The following LRP1B variants were observed in gnomAD, a reference collection of about 807,000 sequenced individuals.
The protein encoded by LRP1B is LDL receptor related protein 1B, also known as low-density lipoprotein receptor-related protein 1B.
A neutral mutation model predicts 556.6 loss-of-function variants in LRP1B; 217 were observed. The ratio of observed to expected loss-of-function variants is 0.39; its 90% CI spans 0.35 to 0.44. LRP1B has a LOEUF of 0.44. Ranked by LOEUF, LRP1B falls within the 20% of genes least tolerant of loss-of-function variation. The pLI is 1.00. For synonymous variants in LRP1B, 2,047 were observed against 1,865.8 expected, an observed-to-expected ratio of 1.10 and a Z score of -2.50; for missense variants, 5,053 against 5,620.8, an observed-to-expected ratio of 0.90 and a Z score of 3.23.
Position 140,270,885 on chromosome 2 carries a change from GTAAC to G in LRP1B, c.13143-543_13143-540del, listed in dbSNP as rs1682428488. On this transcript the variant is annotated intron_variant, in intron 85 of 90. Transcript: ENST00000389484. The stretch of plus-strand genomic sequence containing the variant: ...CACTGTTTCTCTTTGAGTATGTACT[GTAAC>G]TAATGTCAAACTATTTTTATTCTAA... Among the ~76,000 whole-genome samples the G allele has an allele frequency of 2.0e-5, 3 of 151,996 alleles. No homozygotes were observed. In the South Asian group the frequency reaches 6.2e-4, roughly 32 times the overall value.
At chr2:142,022,773 C>T (rs1703378908) in intron 1 of LRP1B, among the ~76,000 whole-genome samples, 1 of 152,158 alleles carries the variant, frequency 6.6e-6, no homozygotes, top group South Asian at 2.1e-4. Flanking sequence ...CAGTTTCAAG[C>T]GATTCTCCTG....
intron 55 of LRP1B, among the ~76,000 whole-genome samples, chr2:140,499,706 A>G (rs1471087637): frequency 6.6e-6 from 1 of 151,862 alleles, no homozygotes; most frequent in Non-Finnish European, 1.5e-5. Context: ...ATCTCTCACC[A>G]TATGTTTAGA....
chr2:141,397,179 A>T (rs1440979778), intron 3 of LRP1B, among the ~76,000 whole-genome samples: 4 of 149,292 alleles, frequency 2.7e-5, no homozygotes, highest in Non-Finnish European at 6.0e-5. Flanking sequence ...AGAAGTTTAG[A>T]GATGGTACTT....
At chr2:141,017,831 C>CA (rs1000154335) in intron 12 of LRP1B, among the ~76,000 whole-genome samples, 10 of 150,718 alleles carry the variant, frequency 6.6e-5, no homozygotes, top group Non-Finnish European at 1.3e-4. Context: ...CCCATCTCTA[C>CA]AAAAAAAATA....
chr2:141,903,695 C>A (rs951930594), intron 1 of LRP1B, among the ~76,000 whole-genome samples: 12 of 151,796 alleles, frequency 7.9e-5, no homozygotes, highest in African/African-American at 2.7e-4. Context: ...ATTGGTGAAA[C>A]GTTTAAAGAA....
intron 35 of LRP1B, among the ~76,000 whole-genome samples, chr2:140,723,630 T>C (rs1457836468): frequency 6.6e-6 from 1 of 152,186 alleles, no homozygotes; most frequent in Admixed American, 6.5e-5. Flanking sequence ...AAAAGATTTT[T>C]CTTAAAATTC....
chr2:141,029,032 G>A (rs988273199), intron 11 of LRP1B, among the ~76,000 whole-genome samples: 20 of 152,074 alleles, frequency 1.3e-4, no homozygotes, highest in African/African-American at 3.9e-4. Context: ...AGGCAAAGAC[G>A]TCTAGGACTT....
chr2:142,032,409 C>T (rs1193171183), intron 1 of LRP1B, among the ~76,000 whole-genome samples: 3 of 151,798 alleles, frequency 2.0e-5, no homozygotes, highest in South Asian at 2.1e-4. Context: ...CCACATCCCT[C>T]GGCTCCTAAC....
Position 142,123,111 on chromosome 2 carries a change from A to G in LRP1B, c.82+7537T>C, listed in dbSNP as rs189875746. On this transcript the variant is annotated intron_variant, in intron 1 of 90. Coordinates refer to ENST00000389484, the MANE Select transcript of LRP1B (RefSeq NM_018557.3). ...CAAAAGAAAACAGATGATTCTAAAC[A>G]CATTTCGGTTATCAGCATTACACCT... Among the ~76,000 whole-genome samples, 529 of 152,130 alleles carry G rather than the reference A, an allele frequency of 3.5e-3. 2 individuals are homozygous for G. Among genetic ancestry groups the G allele is most frequent in the African/African-American group, 0.012 (481 of 41,556 alleles).
intron 1 of LRP1B, among the ~76,000 whole-genome samples, chr2:142,129,584 T>TCTCTCTCTC (rs1707775509): frequency 8.9e-5 from 12 of 134,832 alleles, no homozygotes; most frequent in African/African-American, 2.5e-4. Flanking sequence ...CTTTCTCTCT[T>TCTCTCTCTC]TCTCTCTCTC....
chr2:140,681,441 C>A (rs1233109728), intron 41 of LRP1B, among the ~76,000 whole-genome samples: 1 of 151,916 alleles, frequency 6.6e-6, no homozygotes, highest in Non-Finnish European at 1.5e-5. Flanking sequence ...ATAAATAAAT[C>A]TCATTTCTAT....
At chr2:140,749,232 G>C (rs865804905) in intron 35 of LRP1B, among the ~76,000 whole-genome samples, 24 of 152,034 alleles carry the variant, frequency 1.6e-4, no homozygotes, top group African/African-American at 4.8e-4. Context: ...AAATGTGAAG[G>C]TCCAGGACAT....
chr2:140,719,429 C>T, intron 35 of LRP1B, among the ~76,000 whole-genome samples: 1 of 151,900 alleles, frequency 6.6e-6, no homozygotes, highest in African/African-American at 2.4e-5. Flanking sequence ...AAAAAGGTAC[C>T]CCTTCATTTC....
chr2:141,650,531 G>A (rs1450809327), intron 2 of LRP1B, among the ~76,000 whole-genome samples: 1 of 152,164 alleles, frequency 6.6e-6, no homozygotes, highest in Non-Finnish European at 1.5e-5. Flanking sequence ...ACATTACCAT[G>A]GCTGCCACTC....
intron 7 of LRP1B, among the ~76,000 whole-genome samples, chr2:141,134,710 T>C (rs1201284877): frequency 6.9e-6 from 1 of 144,712 alleles, no homozygotes; most frequent in Non-Finnish European, 1.5e-5. Flanking sequence ...TAGGAGTCAT[T>C]ATATCAATAA....
intron 15 of LRP1B, among the ~76,000 whole-genome samples, chr2:141,002,291 T>C (rs1697447165): frequency 6.6e-6 from 1 of 151,972 alleles, no homozygotes; most frequent in Non-Finnish European, 1.5e-5. Context: ...AATTACAGAA[T>C]AGAATAGGTA....
chr2:140,313,569 G>A (rs1345921315), intron 83 of LRP1B, among the ~76,000 whole-genome samples: 1 of 151,880 alleles, frequency 6.6e-6, no homozygotes, highest in African/African-American at 2.4e-5. Flanking sequence ...AAATCATCCA[G>A]CTATAACACC....
intron 47 of LRP1B, among the ~76,000 whole-genome samples, chr2:140,531,277 C>T (rs370239847): frequency 6.6e-5 from 10 of 152,092 alleles, no homozygotes; most frequent in African/African-American, 2.2e-4. Flanking sequence ...ATATTTTCCT[C>T]TCCTGCTTAC....
chr2:140,343,541 T>G (rs1681501729), intron 77 of LRP1B, among the ~76,000 whole-genome samples: 1 of 151,658 alleles, frequency 6.6e-6, no homozygotes, highest in African/African-American at 2.4e-5. Context: ...ATACATACTA[T>G]GAGTGCAATC....
Sources: gnomAD v4.1 joint callset for allele counts (sites outside exome capture counted in the v4.1 genomes callset) on GRCh38, gnomAD v4.1.1 for gene constraint, MANE v1.5 for transcripts, NCBI Gene and HGNC (gene_info 2026-07-23, HGNC 2026-07-21) for gene names.